GALNT13: variants seen among roughly 807,000 people sequenced by gnomAD.
GALNT13 encodes UDP-GalNAc:polypeptide N-acetylgalactosaminyltransferase 13.
Under a neutral mutation model 64.2 loss-of-function variants are expected in GALNT13, and 28 were observed. That is an observed-to-expected ratio of 0.44 (90% CI 0.32 to 0.60). GALNT13 has a LOEUF of 0.60. GALNT13 is among the 20% of genes least tolerant of loss of function. The probability of loss-of-function intolerance (pLI) is 0.05; values close to 1 mark genes in which losing one functional copy is unlikely to be tolerated. For synonymous variants in GALNT13, 214 were observed against 224.6 expected (o/e 0.95, Z 0.42); for missense variants, 577 against 669.8 (o/e 0.86, Z 1.53).
intron 4 of GALNT13, among the ~76,000 whole-genome samples, chr2:154,143,215 T>C (rs1377377453): frequency 6.6e-6 from 1 of 152,136 alleles, no homozygotes. Context: ...ATAGGGTTTG[T>C]GCTCTTATGA....
At chr2:153,974,323 G>A (rs1693937725) in intron 3 of GALNT13, among the ~76,000 whole-genome samples, 1 of 152,180 alleles carries the variant, frequency 6.6e-6, no homozygotes, top group African/African-American at 2.4e-5. Flanking sequence ...ACTTTTGTAT[G>A]AGACAGATTT....
Position 153,876,709 on chromosome 2 carries a change from A to G in GALNT13, c.-177+4406A>G, listed in dbSNP as rs140402241. Among the ~76,000 whole-genome samples, 4 of 152,228 alleles carry G rather than the reference A, an allele frequency of 2.6e-5. No homozygotes were observed. In the East Asian group the frequency reaches 7.7e-4, roughly 29 times the overall value. On this transcript the variant is annotated intron_variant, in intron 1 of 12. Transcript: ENST00000392825. ...GGCTAAAGACATCTGTGTGATTCTG[A>G]TTACTGTGTGCTCTCATGTCCTTAA...
intron 3 of GALNT13, among the ~76,000 whole-genome samples, chr2:153,980,330 G>A (rs1241626037): frequency 6.6e-6 from 1 of 152,112 alleles, no homozygotes; most frequent in Non-Finnish European, 1.5e-5. Flanking sequence ...ATTGCTATGT[G>A]AAAAAATACG....
At chr2:153,822,761 G>C in the GALNT13 span, among the ~76,000 whole-genome samples, 2 of 152,188 alleles carry the variant, frequency 1.3e-5, no homozygotes, top group East Asian at 3.9e-4. Flanking sequence ...CATCATACTG[G>C]AAGTCTTAGC....
intron 10 of GALNT13, among the ~76,000 whole-genome samples, chr2:154,406,328 C>T (rs1418483241): frequency 6.6e-6 from 1 of 152,120 alleles, no homozygotes; most frequent in African/African-American, 2.4e-5. Context: ...TCTCTGCTTC[C>T]AGTCTTTCCT....
At chr2:153,197,491 C>T in the GALNT13 span, among the ~76,000 whole-genome samples, 239 of 152,342 alleles carry the variant, frequency 1.6e-3, no homozygotes, top group African/African-American at 5.1e-3. Context: ...GTGCCTCTGG[C>T]AACTGATGAA....
intron 11 of GALNT13, among the ~76,000 whole-genome samples, chr2:154,426,824 A>G (rs1700491510): frequency 6.6e-6 from 1 of 152,178 alleles, no homozygotes; most frequent in Admixed American, 6.6e-5. Flanking sequence ...TTATTGTATT[A>G]TCTTGCACTG....
the GALNT13 span, among the ~76,000 whole-genome samples, chr2:153,644,746 A>G: frequency 0.038 from 5,782 of 152,082 alleles, 162 homozygotes; most frequent in Middle Eastern, 0.061. Context: ...CCAACCACTT[A>G]TACAAATGCA....
At position 154,152,966 on chromosome 2, in the gene GALNT13, G is replaced by T. The variant is rs546471943; in HGVS notation, c.311+12461G>T. On this transcript the variant is annotated intron_variant, in intron 4 of 12. Coordinates refer to ENST00000392825, the MANE Select transcript of GALNT13 (RefSeq NM_052917.4). Reference sequence around the variant, plus strand: ...ATTCTCCGTCCAGCTTTGTTCCATTGCTGGTGAGGAGCTGCGTTCCTTTGG... The same window carrying T: ...ATTCTCCGTCCAGCTTTGTTCCATTTCTGGTGAGGAGCTGCGTTCCTTTGG... Among the ~76,000 whole-genome samples, 685 of 152,270 alleles carry T rather than the reference G, an allele frequency of 4.5e-3. 2 individuals carry two copies. The highest frequency in any genetic ancestry group is 7.3e-3 in the Non-Finnish European group (497 of 68,022).
At chr2:153,470,675 T>A in the GALNT13 span, among the ~76,000 whole-genome samples, 1 of 152,198 alleles carries the variant, frequency 6.6e-6, no homozygotes, top group Non-Finnish European at 1.5e-5. Flanking sequence ...GTTTTTAATT[T>A]AAAATTAGCT....
At chr2:154,152,953 G>C (rs1684145300) in intron 4 of GALNT13, among the ~76,000 whole-genome samples, 1 of 152,210 alleles carries the variant, frequency 6.6e-6, no homozygotes, top group African/African-American at 2.4e-5. Flanking sequence ...TCTCCGTCCA[G>C]CTTTGTTCCA....
Position 154,043,455 on chromosome 2 carries a change from T to TATATATATATACAC in GALNT13, c.143-96881_143-96880insTATATATATACACA, listed in dbSNP as rs1341373277. Among the ~76,000 whole-genome samples the TATATATATATACAC allele has an allele frequency of 4.4e-3, 456 of 104,556 alleles. 3 individuals are homozygous for TATATATATATACAC. The highest frequency in any genetic ancestry group is 0.012 in the East Asian group (19 of 1,554). The allele number at this position is 104,556 out of a possible 152,430, so 68.6% of individuals were successfully genotyped here. A position where few individuals can be genotyped will look rare whatever the true frequency, so the allele number is the denominator to read the frequency against. Reference sequence around the variant, plus strand: ...ATATATATATATATATATATATATATACACACATGTATACATAAAAACATG... The same window carrying TATATATATATACAC: ...ATATATATATATATATATATATATATATATATATATACACACACACATGTATACATAAAAACATG... On this transcript the variant is annotated intron_variant, in intron 3 of 12. Transcript: ENST00000392825.
intron 9 of GALNT13, among the ~76,000 whole-genome samples, chr2:154,389,592 A>G (rs1473730551): frequency 6.6e-6 from 1 of 152,182 alleles, no homozygotes; most frequent in African/African-American, 2.4e-5. Context: ...CTTACTAGAC[A>G]TCTATTAGGG....
At chr2:154,079,391 A>T (rs1345947) in intron 3 of GALNT13, among the ~76,000 whole-genome samples, 114,455 of 151,456 alleles carry the variant, frequency 0.76, 43,619 homozygotes, top group East Asian at 0.96. Context: ...GCAAGTAGTC[A>T]CTTAATTGAG....
At chr2:153,110,287 G>A in the GALNT13 span, among the ~76,000 whole-genome samples, 4 of 152,064 alleles carry the variant, frequency 2.6e-5, no homozygotes, top group South Asian at 8.3e-4. Context: ...GCTTAATAGT[G>A]GATATAGGAT....
chr2:153,227,935 A>C, the GALNT13 span, among the ~76,000 whole-genome samples: 2 of 152,222 alleles, frequency 1.3e-5, no homozygotes, highest in Admixed American at 1.3e-4. Context: ...ACCTGAATAT[A>C]ATTAAGGCCA....
At chr2:153,768,660 T>C in the GALNT13 span, among the ~76,000 whole-genome samples, 1 of 152,026 alleles carries the variant, frequency 6.6e-6, no homozygotes, top group South Asian at 2.1e-4. Flanking sequence ...GTCAGGAGAT[T>C]GAGACCAGCC....
At chr2:153,124,735 C>T in the GALNT13 span, among the ~76,000 whole-genome samples, 306 of 152,286 alleles carry the variant, frequency 2.0e-3, 2 homozygotes, top group African/African-American at 7.0e-3. Context: ...ATCTCTTGAC[C>T]TCGTGATCTG....
rs567067560 is a variant in GALNT13 at position 154,064,374 on chromosome 2, A to G, written c.143-75963A>G. Among the ~76,000 whole-genome samples, 4 of 152,294 alleles carry G rather than the reference A, an allele frequency of 2.6e-5. No homozygotes were observed. The East Asian group carries it at 5.8e-4, about 22-fold the overall frequency. The stretch of plus-strand genomic sequence containing the variant: ...CCGAGAGCAAGTGGAACTGGGGAGC[A>G]TGTGATCTAATGAGACACTAGCCAG... On this transcript the variant is annotated intron_variant, in intron 3 of 12. Transcript: ENST00000392825.
Sources: gnomAD v4.1 joint callset for allele counts (sites outside exome capture counted in the v4.1 genomes callset) on GRCh38, gnomAD v4.1.1 for gene constraint, MANE v1.5 for transcripts, NCBI Gene and HGNC (gene_info 2026-07-23, HGNC 2026-07-21) for gene names.